ATP8A1: variants seen among roughly 807,000 people sequenced by gnomAD.
ATP8A1 encodes ATPase phospholipid transporting 8A1, also known as phospholipid-transporting ATPase IA.
In ATP8A1, 90 loss-of-function variants were observed where a neutral mutation model predicts 177.7. That is an observed-to-expected ratio of 0.51 (90% CI 0.43 to 0.60). ATP8A1 has a LOEUF of 0.60. Ranked by LOEUF, ATP8A1 falls within the 20% of genes least tolerant of loss-of-function variation. The pLI, the probability that ATP8A1 is intolerant of heterozygous loss-of-function variation, is 0.00. For synonymous variants in ATP8A1, 493 were observed against 485.9 expected (o/e 1.01, Z -0.19); for missense variants, 1,072 against 1,392.8 (o/e 0.77, Z 3.67).
At chr4:42,472,482 C>G (rs1034276188) in intron 25 of ATP8A1, 1 of 306,188 alleles carries the variant, frequency 3.3e-6, no homozygotes. Flanking sequence ...GGAGCAGTGG[C>G]TCACGCCTGT....
At chr4:42,524,691 G>T (rs1726497778) in intron 21 of ATP8A1, 72 bp downstream of exon 21, 3 of 934,176 alleles carry the variant, frequency 3.2e-6, no homozygotes, top group African/African-American at 3.3e-5. Flanking sequence ...TAATAATAAG[G>T]ATCCTGCAAG....
At chr4:42,509,892 C>T (rs1383473633) in intron 22 of ATP8A1, among the ~76,000 whole-genome samples, 2 of 148,166 alleles carry the variant, frequency 1.3e-5, no homozygotes, top group African/African-American at 2.5e-5. Context: ...TTCTTTTAAG[C>T]TTTCCTTTAT....
intron 1 of ATP8A1, among the ~76,000 whole-genome samples, chr4:42,635,697 T>C (rs539437000): frequency 5.4e-5 from 8 of 149,062 alleles, no homozygotes; most frequent in South Asian, 2.1e-4. Flanking sequence ...TATTTGTATA[T>C]ATTGTTTTGA....
chr4:42,460,821 A>T (rs568494192), intron 27 of ATP8A1, among the ~76,000 whole-genome samples: 105 of 152,342 alleles, frequency 6.9e-4, no homozygotes, highest in Non-Finnish European at 7.9e-4. Flanking sequence ...CAGGAGTGGG[A>T]GAATGAGGTT....
chr4:42,522,715 G>T (rs529603146), intron 21 of ATP8A1, among the ~76,000 whole-genome samples: 19 of 152,216 alleles, frequency 1.2e-4, no homozygotes, highest in Non-Finnish European at 2.6e-4. Flanking sequence ...GCACATGCTG[G>T]TAACTTTTTC....
At chr4:42,583,388 G>GGAA (rs1733306419) in intron 9 of ATP8A1, among the ~76,000 whole-genome samples, 1 of 152,162 alleles carries the variant, frequency 6.6e-6, no homozygotes, top group South Asian at 2.1e-4. Flanking sequence ...GAGTTGAAAG[G>GGAA]GGCCTTGGGC....
In ATP8A1 at chr4:42,571,463, A is replaced by ATT. The variant is rs5857852; in HGVS notation, c.1296-2260_1296-2259dup. On this transcript the variant is annotated intron_variant, in intron 14 of 36. Transcript: ENST00000381668. The stretch of plus-strand genomic sequence containing the variant: ...ATCCAACTTATTCTAAAAGGTCTAA[A>ATT]TTTTTTTTTTTTTTTTTTACAAAGA... Among the ~76,000 whole-genome samples, 577 of 142,686 alleles carry ATT rather than the reference A, an allele frequency of 4.0e-3. 4 individuals are homozygous for ATT. The highest frequency in any genetic ancestry group is 0.014 in the Middle Eastern group (4 of 278). The allele number at this position is 142,686 out of a possible 152,430, so 93.6% of individuals were successfully genotyped here. A position where few individuals can be genotyped will look rare whatever the true frequency, so the allele number is the denominator to read the frequency against.
chr4:42,522,355 G>A, intron 21 of ATP8A1, 56 bp from the exon 22 acceptor site: 2 of 1,579,728 alleles, frequency 1.3e-6, no homozygotes, highest in Non-Finnish European at 1.7e-6. Context: ...TCAGAAGTCT[G>A]AGGTTTCTGT....
chr4:42,537,405 AG>A (rs1373815513), intron 20 of ATP8A1, among the ~76,000 whole-genome samples: 1 of 152,080 alleles, frequency 6.6e-6, no homozygotes, highest in Non-Finnish European at 1.5e-5. Context: ...ATAATACGGA[AG>A]TTCTAGCCAG....
chr4:42,625,628 T>C lies in ATP8A1; in HGVS notation c.250A>G (p.Ile84Val), dbSNP rs1353545932. The change falls in exon 3 of 37, where the codon ATT (isoleucine) becomes GTT (valine). Residue 84 changes from isoleucine (I) to valine (V), a missense_variant. Transcript: ENST00000381668. ...RRAANSFFLF[I>V]ALLQQIPDVS... ...CGTGACTTTACCTGCAGCAGTGCAA[T>C]AAAGAGAAAAAATGAATTAGCAGCT... The C allele has an allele frequency of 1.3e-5, 21 of 1,601,136 alleles. No individual in the cohort carries two copies. The highest frequency in any genetic ancestry group is 4.0e-5 in the African/African-American group (3 of 74,432).
chr4:42,543,646 C>T (rs1444759106), intron 20 of ATP8A1, among the ~76,000 whole-genome samples: 1 of 152,102 alleles, frequency 6.6e-6, no homozygotes, highest in Non-Finnish European at 1.5e-5. Context: ...TGTCTTCTAA[C>T]AATTTATATA....
At chr4:42,511,780 T>G (rs536742027) in intron 22 of ATP8A1, among the ~76,000 whole-genome samples, 77 of 152,324 alleles carry the variant, frequency 5.1e-4, no homozygotes, top group African/African-American at 1.8e-3. Context: ...AGTGACCTAT[T>G]TCCATATTAG....
intron 24 of ATP8A1, among the ~76,000 whole-genome samples, chr4:42,500,630 G>A (rs539483662): frequency 5.3e-5 from 8 of 151,762 alleles, no homozygotes; most frequent in African/African-American, 1.7e-4. Context: ...AATTTTACAA[G>A]AGCCTGGTGG....
intron 1 of ATP8A1, among the ~76,000 whole-genome samples, chr4:42,649,827 C>T (rs1384120293): frequency 6.6e-6 from 1 of 152,140 alleles, no homozygotes; most frequent in Non-Finnish European, 1.5e-5. Context: ...GCATTTTCAT[C>T]TTTAGGACAT....
chr4:42,492,836 T>C lies in ATP8A1; in HGVS notation c.2152-7168A>G, dbSNP rs73160947. Among the ~76,000 whole-genome samples the C allele has an allele frequency of 6.4e-3, 971 of 152,358 alleles. 11 individuals carry two copies. The highest frequency in any genetic ancestry group is 0.022 in the African/African-American group (922 of 41,586). ...TATACAACTTTCACCTTTGTCAGAATGAACATAAGTTCAGGAAGCCTGTGC... is the reference window on the plus strand; with the variant it reads ...TATACAACTTTCACCTTTGTCAGAACGAACATAAGTTCAGGAAGCCTGTGC... On this transcript the variant is annotated intron_variant, in intron 24 of 36. Coordinates refer to ENST00000381668, the MANE Select transcript of ATP8A1 (RefSeq NM_006095.2).
intron 27 of ATP8A1, among the ~76,000 whole-genome samples, chr4:42,459,950 C>G (rs1407596694): frequency 6.6e-6 from 1 of 152,040 alleles, no homozygotes; most frequent in Non-Finnish European, 1.5e-5. Context: ...TGCCACCACG[C>G]CTGGCTAATT....
chr4:42,503,834 G>A lies in ATP8A1; in HGVS notation c.2087-320C>T, dbSNP rs73810718. On this transcript the variant is annotated intron_variant, in intron 23 of 36. Coordinates refer to ENST00000381668, the MANE Select transcript of ATP8A1 (RefSeq NM_006095.2). ...TAACCAACATGAAGAGCAAAAGACA[G>A]GCCAACGATTGTTTCTAGAAAATAG... Among the ~76,000 whole-genome samples, 612 of 152,324 alleles carry A rather than the reference G, an allele frequency of 4.0e-3. 4 individuals carry two copies. Among genetic ancestry groups the A allele is most frequent in the African/African-American group, 0.014 (590 of 41,574 alleles).
chr4:42,460,043 G>A (rs980164210), intron 27 of ATP8A1, among the ~76,000 whole-genome samples: 1 of 151,950 alleles, frequency 6.6e-6, no homozygotes, highest in Non-Finnish European at 1.5e-5. Flanking sequence ...CACCCCCCTC[G>A]GCCTCCCAAA....
At chr4:42,485,882 C>T (rs1320499913) in intron 24 of ATP8A1, among the ~76,000 whole-genome samples, 1 of 152,162 alleles carries the variant, frequency 6.6e-6, no homozygotes, top group Admixed American at 6.5e-5. Flanking sequence ...ATTGAAGTCA[C>T]ACATCTGTTC....
Sources: allele counts gnomAD v4.1 joint callset (sites outside exome capture counted in the v4.1 genomes callset), GRCh38; gene constraint gnomAD v4.1.1; transcripts MANE v1.5; gene names NCBI Gene and HGNC (gene_info 2026-07-23, HGNC 2026-07-21).